SPTY2D1: variants seen among roughly 807,000 people sequenced by gnomAD.
The protein encoded by SPTY2D1 is protein SPT2 homolog.
Under a neutral mutation model 64.0 loss-of-function variants are expected in SPTY2D1, and 21 were observed. The observed-to-expected ratio is 0.33, with a 90% CI of 0.23 to 0.47. The LOEUF is 0.47. Among genes scored for constraint, SPTY2D1 ranks in the 20% least tolerant of loss-of-function variants. The pLI, the probability that SPTY2D1 is intolerant of heterozygous loss-of-function variation, is 1.00. For synonymous variants in SPTY2D1, 287 were observed against 286.8 expected, an observed-to-expected ratio of 1.00 and a Z score of -0.01; for missense variants, 724 against 837.2, an observed-to-expected ratio of 0.86 and a Z score of 1.67.
intron 1 of SPTY2D1, among the ~76,000 whole-genome samples, chr11:18,631,931 G>C (rs951448745): frequency 6.6e-6 from 1 of 152,116 alleles, no homozygotes; most frequent in African/African-American, 2.4e-5. Flanking sequence ...CGAATGACTT[G>C]AGGAAGGAGT....
chr11:18,616,935 C>T lies in SPTY2D1; in HGVS notation c.115G>A (p.Val39Ile). ...AAAGCTTGTACAGCTGCTGATTGGACACCTTTAACTTTTGGGTCTTTTTTT... is the reference window on the plus strand; with the variant it reads ...AAAGCTTGTACAGCTGCTGATTGGATACCTTTAACTTTTGGGTCTTTTTTT... Reference protein sequence around the residue: ...PPKKDPKVKGVQSAAVQAFLK... With the variant: ...PPKKDPKVKGIQSAAVQAFLK... Residue 39 changes from valine to isoleucine, a missense_variant, in exon 2 of 6, where the codon GTC becomes ATC. Transcript: ENST00000336349. The T allele has an allele frequency of 6.2e-7, 1 of 1,614,194 alleles. No individual in the cohort carries two copies. Among genetic ancestry groups the T allele is most frequent in the South Asian group, 1.1e-5 (1 of 91,088 alleles).
chr11:18,615,929 G>T lies in SPTY2D1; in HGVS notation c.345C>A (p.Thr115=). The T allele has an allele frequency of 6.2e-7, 1 of 1,614,066 alleles. No homozygotes were observed. Among genetic ancestry groups the T allele is most frequent in the Non-Finnish European group, 8.5e-7 (1 of 1,179,986 alleles). Residue 115 remains threonine, a synonymous_variant, in exon 3 of 6, where the codon ACC becomes ACA. Coordinates refer to ENST00000336349, the MANE Select transcript of SPTY2D1 (RefSeq NM_194285.3). Reference sequence around the variant, plus strand: ...CATACTCTCGGTCGGTTCCTTGGCTGGTATGGCTTTCTGTTGCCTGCCTCT... The same window carrying T: ...CATACTCTCGGTCGGTTCCTTGGCTTGTATGGCTTTCTGTTGCCTGCCTCT... ...SKKRQATESH[T]SQGTDREYEM...
At chr11:18,631,384 A>C (rs549674559) in intron 1 of SPTY2D1, among the ~76,000 whole-genome samples, 30 of 151,946 alleles carry the variant, frequency 2.0e-4, no homozygotes, top group African/African-American at 7.0e-4. Context: ...TACCAGCCCT[A>C]TCTCTACTAA....
In SPTY2D1 at chr11:18,615,931, T is replaced by C; in HGVS notation, c.343A>G (p.Thr115Ala). The change falls in exon 3 of 6, where the codon ACC (threonine) becomes GCC (alanine). Residue 115 changes from threonine (T) to alanine (A), a missense_variant. By Grantham distance (58) the Thr-to-Ala change is moderately conservative. Around this residue, in one of 3 missense-constraint regions of SPTY2D1, gnomAD observed 179 missense variants for 232.5 expected, o/e 0.77. Coordinates refer to ENST00000336349, the MANE Select transcript of SPTY2D1 (RefSeq NM_194285.3). ...TACTCTCGGTCGGTTCCTTGGCTGG[T>C]ATGGCTTTCTGTTGCCTGCCTCTTC... Reference protein sequence around the residue: ...SKKRQATESHTSQGTDREYEM... With the variant: ...SKKRQATESHASQGTDREYEM... The C allele has an allele frequency of 6.2e-7, 1 of 1,614,184 alleles. No individual in the cohort carries two copies. Among genetic ancestry groups the C allele is most frequent in the East Asian group, 2.2e-5 (1 of 44,886 alleles).
At chr11:18,611,656 C>T in intron 4 of SPTY2D1, 102 bp from the exon 5 acceptor site, 2 of 933,624 alleles carry the variant, frequency 2.1e-6, no homozygotes, top group Non-Finnish European at 3.3e-6. Context: ...AAAACTAAAT[C>T]AAGCACACAT....
intron 1 of SPTY2D1, among the ~76,000 whole-genome samples, chr11:18,627,973 A>G (rs554296624): frequency 2.6e-5 from 4 of 152,048 alleles, no homozygotes; most frequent in Non-Finnish European, 5.9e-5. Flanking sequence ...GCTTGAACCT[A>G]GGAGGCAGAG....
chr11:18,621,698 C>G (rs75672991), intron 1 of SPTY2D1, among the ~76,000 whole-genome samples: 2,093 of 152,188 alleles, frequency 0.014, 38 homozygotes, highest in African/African-American at 0.046. Context: ...AAAAAGCTAG[C>G]AGTAAGGCAA....
Position 18,608,216 on chromosome 11 carries a change from AC to A in SPTY2D1, c.*1644del, listed in dbSNP as rs1362707924. On this transcript the variant is annotated 3_prime_UTR_variant, in exon 6 of 6. Coordinates refer to ENST00000336349, the MANE Select transcript of SPTY2D1 (RefSeq NM_194285.3). ...GGGTGTTATTCCTAGTGATGATGAC[AC>A]CTTTCATGGGATTCAACTTAAAAAT... The A allele has an allele frequency of 6.6e-6, 1 of 152,604 alleles. No individual in the cohort carries two copies. 9.5% of individuals were successfully genotyped at this position (152,604 alleles called of 1,614,324 possible).
intron 1 of SPTY2D1, among the ~76,000 whole-genome samples, chr11:18,620,683 G>A (rs1039071406): frequency 6.6e-6 from 1 of 151,586 alleles, no homozygotes; most frequent in Non-Finnish European, 1.5e-5. Flanking sequence ...TCAGGAGATT[G>A]AGACCATCCT....
intron 1 of SPTY2D1, among the ~76,000 whole-genome samples, chr11:18,633,900 C>T (rs543744159): frequency 6.6e-6 from 1 of 152,222 alleles, no homozygotes; most frequent in Non-Finnish European, 1.5e-5. Flanking sequence ...CCACAGCGTG[C>T]CAGGCACAGC....
chr11:18,611,625 T>A, intron 4 of SPTY2D1, 71 bp from the exon 5 acceptor site: 1 of 1,251,994 alleles, frequency 8.0e-7, no homozygotes, highest in Non-Finnish European at 1.1e-6. Flanking sequence ...TCCTCTCATT[T>A]AAAAAATCAA....
chr11:18,624,706 A>C (rs912890998), intron 1 of SPTY2D1, among the ~76,000 whole-genome samples: 1 of 152,202 alleles, frequency 6.6e-6, no homozygotes, highest in African/African-American at 2.4e-5. Flanking sequence ...TGGAATCGAT[A>C]GTCAATCCCT....
At position 18,614,961 on chromosome 11, in the gene SPTY2D1, G is replaced by C; in HGVS notation, c.1313C>G (p.Pro438Arg). ...TVSGTCGPGQ[P>R]ASSSGGPGRP... Reference sequence around the variant, plus strand: ...CCCAGGGCCACCTGAGCTGCTTGCAGGTTGTCCAGGGCCACATGTACCACT... The same window carrying C: ...CCCAGGGCCACCTGAGCTGCTTGCACGTTGTCCAGGGCCACATGTACCACT... The change falls in exon 3 of 6, where the codon CCT becomes CGT. Residue 438 changes from proline (P) to arginine (R), a missense_variant. Coordinates refer to ENST00000336349, the MANE Select transcript of SPTY2D1 (RefSeq NM_194285.3). The C allele has an allele frequency of 6.2e-7, 1 of 1,614,034 alleles. No homozygotes were observed. The highest frequency in any genetic ancestry group is 8.5e-7 in the Non-Finnish European group (1 of 1,179,934).
At chr11:18,617,625 C>CAAAAAA (rs71050616) in intron 1 of SPTY2D1, among the ~76,000 whole-genome samples, 2 of 66,358 alleles carry the variant, frequency 3.0e-5, no homozygotes, top group Non-Finnish European at 2.8e-5. Context: ...GACTCCGTCT[C>CAAAAAA]AAAAAAAAAA....
chr11:18,632,585 G>A (rs190013915), intron 1 of SPTY2D1, among the ~76,000 whole-genome samples: 1 of 152,180 alleles, frequency 6.6e-6, no homozygotes, highest in African/African-American at 2.4e-5. Flanking sequence ...CTGACTTCAG[G>A]TGATTCTCCC....
At chr11:18,626,141 T>A (rs372205283) in intron 1 of SPTY2D1, among the ~76,000 whole-genome samples, 69 of 152,268 alleles carry the variant, frequency 4.5e-4, no homozygotes, top group African/African-American at 1.6e-3. Flanking sequence ...CTCTAGTTTT[T>A]AATTTAACTC....
chr11:18,634,246 T>C lies in SPTY2D1; in HGVS notation c.12A>G (p.Arg4=). 6.2e-7 allele frequency: 1 copy of C among 1,614,142 alleles called. No individual in the cohort carries two copies. ...CCTTGGAAGCTATCATGAGAATTTC[T>C]CTGAAGTCCATGTTGGGCCGAGGCG... The part of the protein sequence containing the change: MDF[R]EILMIASKGQ... Residue 4 remains arginine, a synonymous_variant, in exon 1 of 6, where the codon AGA becomes AGG. Transcript: ENST00000336349.
At chr11:18,634,078 G>GAAAAGAAAT in intron 1 of SPTY2D1, 120 bp downstream of exon 1, 1 of 1,073,350 alleles carries the variant, frequency 9.3e-7, no homozygotes, top group Non-Finnish European at 1.4e-6. Context: ...AGGAAATAAG[G>GAAAAGAAAT]CGTCCGGGTC....
At chr11:18,620,261 G>A (rs926481405) in intron 1 of SPTY2D1, among the ~76,000 whole-genome samples, 2 of 151,938 alleles carry the variant, frequency 1.3e-5, no homozygotes, top group African/African-American at 4.8e-5. Context: ...GATCACTTGA[G>A]GTCAGGGGTT....
Sources: allele counts gnomAD v4.1 joint callset (sites outside exome capture counted in the v4.1 genomes callset), GRCh38; gene constraint gnomAD v4.1.1; regional missense constraint gnomAD v4.1.1; transcripts MANE v1.5; gene names NCBI Gene and HGNC (gene_info 2026-07-23, HGNC 2026-07-21).